Variants in SEMA3C observed in about 807,000 individuals in gnomAD.
The protein encoded by SEMA3C is semaphorin-3C.
In SEMA3C, 47 loss-of-function variants were observed where a neutral mutation model predicts 89.4. The ratio of observed to expected loss-of-function variants is 0.53; its 90% CI spans 0.42 to 0.67. SEMA3C has a LOEUF of 0.67. SEMA3C is among the 30% of genes least tolerant of loss of function. The pLI is 0.00. For synonymous variants in SEMA3C, 310 were observed against 320.2 expected, an observed-to-expected ratio of 0.97 and a Z score of 0.34; for missense variants, 839 against 929.1, an observed-to-expected ratio of 0.90 and a Z score of 1.26.
At chr7:80,921,367 G>A (rs748385367), upstream of SEMA3C, among the ~76,000 whole-genome samples, 2 of 152,112 alleles carry the variant, frequency 1.3e-5, no homozygotes, top group Non-Finnish European at 2.9e-5. Context: ...AGATTCAAGC[G>A]CAAGGACACA....
intron 2 of SEMA3C, among the ~76,000 whole-genome samples, chr7:80,894,457 T>A (rs944395566): frequency 3.3e-5 from 5 of 152,168 alleles, no homozygotes; most frequent in Non-Finnish European, 4.4e-5. Context: ...TTTTTTAATG[T>A]AGCACTCATA....
intron 10 of SEMA3C, among the ~76,000 whole-genome samples, chr7:80,798,938 G>C (rs1789131666): frequency 1.3e-5 from 2 of 151,934 alleles, no homozygotes; most frequent in South Asian, 4.2e-4. Context: ...AATGAAAAAA[G>C]GTGCATTCCC....
chr7:80,853,161 A>G (rs1345326137), intron 2 of SEMA3C, among the ~76,000 whole-genome samples: 1 of 152,010 alleles, frequency 6.6e-6, no homozygotes, highest in Admixed American at 6.5e-5. Context: ...TTTCCATACT[A>G]TTGATGAGAA....
At chr7:80,848,814 A>G (rs1162187200) in intron 2 of SEMA3C, among the ~76,000 whole-genome samples, 1 of 152,172 alleles carries the variant, frequency 6.6e-6, no homozygotes, top group East Asian at 1.9e-4. Flanking sequence ...ATTTTATAGA[A>G]GCTAGTCTTC....
intron 7 of SEMA3C, among the ~76,000 whole-genome samples, chr7:80,804,941 G>A (rs1287420281): frequency 6.6e-6 from 1 of 152,036 alleles, no homozygotes; most frequent in Non-Finnish European, 1.5e-5. Context: ...TTTCTCCAGG[G>A]TGAAATGACA....
At chr7:80,897,893 T>C (rs1791778322) in intron 2 of SEMA3C, among the ~76,000 whole-genome samples, 1 of 152,234 alleles carries the variant, frequency 6.6e-6, no homozygotes, top group Non-Finnish European at 1.5e-5. Flanking sequence ...ATAATAAAGC[T>C]ATTTTTCTAA....
rs1789284168 is a variant in SEMA3C, at chr7:80,804,224, A to G, written c.683T>C (p.Val228Ala). 1 of 1,606,918 alleles carries G rather than the reference A, an allele frequency of 6.2e-7. No homozygotes were observed. Among genetic ancestry groups the G allele is most frequent in the South Asian group, 1.1e-5 (1 of 89,596 alleles). Residue 228 changes from valine (V) to alanine (A), a missense_variant, in exon 8 of 18, where the codon GTC becomes GCC. Transcript: ENST00000265361. ...ATTTGGATCAGTACCATCTGGGATG[A>G]CATGTGCATCTACAAACATAGGTTC... ...LSEPMFVDAHVIPDGTDPNDA... is the reference protein window; with the variant it reads ...LSEPMFVDAHAIPDGTDPNDA...
chr7:80,840,754 T>G (rs1038653240), intron 2 of SEMA3C, among the ~76,000 whole-genome samples: 2 of 152,080 alleles, frequency 1.3e-5, no homozygotes, highest in African/African-American at 4.8e-5. Context: ...AAGGAAGTAC[T>G]TGATCTTGTT....
intron 15 of SEMA3C, among the ~76,000 whole-genome samples, chr7:80,755,717 A>C (rs1344440964): frequency 6.6e-6 from 1 of 152,140 alleles, no homozygotes; most frequent in Non-Finnish European, 1.5e-5. Flanking sequence ...GAGCTATGCT[A>C]ATCTAATATC....
intron 2 of SEMA3C, among the ~76,000 whole-genome samples, chr7:80,844,231 C>T (rs901039692): frequency 7.9e-5 from 12 of 152,194 alleles, no homozygotes; most frequent in East Asian, 3.9e-4. Flanking sequence ...TAAAAATAAA[C>T]GTATTGGACA....
intron 5 of SEMA3C, among the ~76,000 whole-genome samples, chr7:80,814,533 G>A (rs1403472152): frequency 6.6e-6 from 1 of 151,374 alleles, no homozygotes; most frequent in Non-Finnish European, 1.5e-5. Flanking sequence ...ACTTTTCTTG[G>A]GCTCCAGTTA....
chr7:80,884,088 A>G (rs1293182427), intron 2 of SEMA3C, among the ~76,000 whole-genome samples: 1 of 152,184 alleles, frequency 6.6e-6, no homozygotes, highest in Admixed American at 6.6e-5. Flanking sequence ...TTGAATTTTA[A>G]TTCTAATCTA....
chr7:80,864,082 A>T (rs1451296552), intron 2 of SEMA3C, among the ~76,000 whole-genome samples: 3 of 152,018 alleles, frequency 2.0e-5, no homozygotes, highest in Admixed American at 6.6e-5. Context: ...ATGAATTAAC[A>T]GCATTGGCAG....
upstream of SEMA3C, chr7:80,919,278 C>T (rs1792359216): frequency 3.0e-6 from 3 of 984,032 alleles, no homozygotes; most frequent in Non-Finnish European, 3.6e-6. Flanking sequence ...TTAGAGCTCG[C>T]GGCTGGCCAG....
At chr7:80,891,273 C>T (rs1340827437) in intron 2 of SEMA3C, among the ~76,000 whole-genome samples, 1 of 152,126 alleles carries the variant, frequency 6.6e-6, no homozygotes, top group Non-Finnish European at 1.5e-5. Flanking sequence ...CGTCTATATC[C>T]CGTCTTGCGT....
In SEMA3C at chr7:80,742,577, T is replaced by TTCATCAATA. The variant is rs1381697537; in HGVS notation, c.*2308_*2316dup. On this transcript the variant is annotated 3_prime_UTR_variant, in exon 18 of 18. Transcript: ENST00000265361. ...TGTTTTATTTTGCCAGGCCAATGAT[T>TTCATCAATA]TCATCAATATCCAATTAAATTTTAG... 6.6e-6 allele frequency: 1 copy of TTCATCAATA among 152,064 alleles called. No homozygotes were observed. The highest frequency in any genetic ancestry group is 1.5e-5 in the Non-Finnish European group (1 of 67,908). The allele number at this position is 152,064 out of a possible 1,614,324, so 9.4% of individuals were successfully genotyped here.
rs1788268552 is a variant in SEMA3C at position 80,765,177 on chromosome 7, A to G, written c.1421T>C (p.Leu474Pro). The part of the protein sequence containing the change: ...TNNSVSGELI[L>P]EELEVFKNHA... ...AACCTTAAAGACTTCCAGCTCCTCC[A>G]GAATGAGCTCGCCACTGACAGAGTT... Residue 474 changes from leucine to proline, a missense_variant, in exon 13 of 18, where the codon CTG becomes CCG. Leu to Pro is a moderately conservative substitution (Grantham distance 98, BLOSUM62 -3). Transcript: ENST00000265361. 6.2e-7 allele frequency: 1 copy of G among 1,613,448 alleles called. No individual in the cohort carries two copies. Among genetic ancestry groups the G allele is most frequent in the Non-Finnish European group, 8.5e-7 (1 of 1,179,602 alleles).
chr7:80,889,093 C>A (rs1791550553), intron 2 of SEMA3C, among the ~76,000 whole-genome samples: 1 of 152,182 alleles, frequency 6.6e-6, no homozygotes, highest in African/African-American at 2.4e-5. Flanking sequence ...CAACTCCCCA[C>A]CTCAGGTGAT....
chr7:80,790,517 G>A (rs535346580), intron 11 of SEMA3C, among the ~76,000 whole-genome samples: 1 of 152,174 alleles, frequency 6.6e-6, no homozygotes, highest in South Asian at 2.1e-4. Flanking sequence ...TCTGGCCTGA[G>A]CCAGCCCCTC....
Sources: gnomAD v4.1 joint callset for allele counts (sites outside exome capture counted in the v4.1 genomes callset) on GRCh38, gnomAD v4.1.1 for gene constraint, MANE v1.5 for transcripts, NCBI Gene and HGNC (gene_info 2026-07-23, HGNC 2026-07-21) for gene names.